The following CAST variants were observed in gnomAD, a reference collection of about 807,000 sequenced individuals.
The protein encoded by CAST is calpastatin.
A neutral mutation model predicts 119.6 loss-of-function variants in CAST; 76 were observed. The observed-to-expected ratio is 0.64, with a 90% CI of 0.53 to 0.77. CAST has a LOEUF of 0.77. CAST is among the 30% of genes least tolerant of loss of function. CAST has a pLI of 0.00. For synonymous variants in CAST, 319 were observed against 331.6 expected (o/e 0.96, Z 0.41); for missense variants, 953 against 946.5 (o/e 1.01, Z -0.09).
intron 3 of CAST, among the ~76,000 whole-genome samples, chr5:96,705,840 A>G (rs999546588): frequency 2.0e-5 from 3 of 152,206 alleles, no homozygotes; most frequent in South Asian, 2.1e-4. Flanking sequence ...CTCGTTTTAC[A>G]GATTAAGAAA....
chr5:96,215,586 A>T, the CAST span: 2 of 151,918 alleles, frequency 1.3e-5, no homozygotes, highest in African/African-American at 4.8e-5. Flanking sequence ...TTATACATGG[A>T]TTTTTTTCTA....
chr5:96,658,295 C>G (rs565491631), upstream of CAST, among the ~76,000 whole-genome samples: 2 of 151,830 alleles, frequency 1.3e-5, no homozygotes, highest in Non-Finnish European at 2.9e-5. Context: ...AATAACCAGC[C>G]ACTCTATCAG....
chr5:96,566,901 T>C (rs1404194404), intron 1 of CAST, among the ~76,000 whole-genome samples: 1 of 152,242 alleles, frequency 6.6e-6, no homozygotes, highest in Non-Finnish European at 1.5e-5. Flanking sequence ...GCTTTACTTA[T>C]GTTTTAGTTT....
rs147961896 is a variant in CAST, at chr5:96,705,546, G to C, written c.210+9639G>C. 4.1e-3 allele frequency among the ~76,000 whole-genome samples: 624 copies of C among 152,144 alleles called. 6 individuals carry two copies. The highest frequency in any genetic ancestry group is 9.1e-3 in the South Asian group (44 of 4,826). On this transcript the variant is annotated intron_variant, in intron 3 of 31. Transcript: ENST00000675179. ...CAAGGTGACATTGTTGGACCCATGT[G>C]CTATAGTACTCTATTGTCTACCCTA...
At chr5:96,764,720 G>A (rs1001907370) in intron 25 of CAST, among the ~76,000 whole-genome samples, 1 of 152,178 alleles carries the variant, frequency 6.6e-6, no homozygotes, top group African/African-American at 2.4e-5. Context: ...GAGTTTTAGA[G>A]AGGACCCACA....
At chr5:96,032,458 TC>T in the CAST span, among the ~76,000 whole-genome samples, 1 of 152,168 alleles carries the variant, frequency 6.6e-6, no homozygotes, top group African/African-American at 2.4e-5. Flanking sequence ...AGTTTGTTTT[TC>T]TTTAGAATAG....
chr5:96,174,839 T>G, the CAST span, among the ~76,000 whole-genome samples: 2 of 152,190 alleles, frequency 1.3e-5, no homozygotes, highest in East Asian at 3.8e-4. Flanking sequence ...TTGTGTGGTA[T>G]TCTAACATTT....
intron 9 of CAST, among the ~76,000 whole-genome samples, chr5:96,733,203 A>G (rs1581175782): frequency 6.6e-6 from 1 of 152,188 alleles, no homozygotes; most frequent in Non-Finnish European, 1.5e-5. Flanking sequence ...GATCACTTGT[A>G]TACTACCTTG....
chr5:96,395,621 A>G, the CAST span, among the ~76,000 whole-genome samples: 1 of 151,574 alleles, frequency 6.6e-6, no homozygotes, highest in Non-Finnish European at 1.5e-5. Flanking sequence ...GGAGGGGAAC[A>G]TCACACAATG....
chr5:96,698,675 A>G (rs746091589), intron 3 of CAST, among the ~76,000 whole-genome samples: 1 of 152,228 alleles, frequency 6.6e-6, no homozygotes, highest in African/African-American at 2.4e-5. Flanking sequence ...GGGTAATAGC[A>G]TAACTTGAAG....
At chr5:96,222,060 A>G in the CAST span, among the ~76,000 whole-genome samples, 80 of 152,326 alleles carry the variant, frequency 5.3e-4, no homozygotes, top group Non-Finnish European at 2.5e-4. Context: ...ATCCATATGC[A>G]GAATAATAAA....
chr5:96,691,066 T>C (rs986464790), intron 2 of CAST, among the ~76,000 whole-genome samples: 4 of 152,246 alleles, frequency 2.6e-5, no homozygotes, highest in Non-Finnish European at 5.9e-5. Flanking sequence ...TAGTTTTTCA[T>C]ATAGAAAACT....
the CAST span, among the ~76,000 whole-genome samples, chr5:96,464,609 C>A: frequency 6.6e-6 from 1 of 152,016 alleles, no homozygotes; most frequent in Non-Finnish European, 1.5e-5. Context: ...ACATTTAATA[C>A]CCACAAATCA....
intron 3 of CAST, among the ~76,000 whole-genome samples, chr5:96,704,199 G>A (rs1754482673): frequency 6.6e-6 from 1 of 152,206 alleles, no homozygotes; most frequent in South Asian, 2.1e-4. Flanking sequence ...GTGAAACAGT[G>A]TTTATGAAGC....
At chr5:96,226,415 C>A in the CAST span, among the ~76,000 whole-genome samples, 1 of 152,120 alleles carries the variant, frequency 6.6e-6, no homozygotes, top group African/African-American at 2.4e-5. Context: ...CTTTGGGAGG[C>A]TGAGGTGGGC....
chr5:96,622,459 G>A (rs1747631048), intron 1 of CAST, among the ~76,000 whole-genome samples: 2 of 152,210 alleles, frequency 1.3e-5, no homozygotes. Context: ...GAGAATGCAT[G>A]TAGAAAATAC....
chr5:96,684,885 C>G (rs1056935735), intron 2 of CAST, among the ~76,000 whole-genome samples: 3 of 151,858 alleles, frequency 2.0e-5, no homozygotes, highest in African/African-American at 7.3e-5. Context: ...CATCACTATT[C>G]AATGAGCTGT....
the CAST span, among the ~76,000 whole-genome samples, chr5:96,019,471 T>A: frequency 6.6e-6 from 1 of 152,294 alleles, no homozygotes; most frequent in South Asian, 2.1e-4. Context: ...GGTGAGACTG[T>A]GGATAAAGGG....
intron 1 of CAST, chr5:96,545,091 G>A (rs936434540): frequency 6.6e-6 from 1 of 152,088 alleles, no homozygotes; most frequent in Admixed American, 6.5e-5. Flanking sequence ...AGTAAGCTGG[G>A]GCAACTGTAG....
Sources: allele counts gnomAD v4.1 joint callset (sites outside exome capture counted in the v4.1 genomes callset), GRCh38; gene constraint gnomAD v4.1.1; transcripts MANE v1.5; gene names NCBI Gene and HGNC (gene_info 2026-07-23, HGNC 2026-07-21).